Variants in STK26 observed in about 807,000 individuals in gnomAD.
STK26 encodes serine/threonine-protein kinase 26.
In STK26, 14 loss-of-function variants were observed where a neutral mutation model predicts 34.7. That is an observed-to-expected ratio of 0.40 (90% confidence interval 0.27 to 0.63). STK26 has a LOEUF of 0.63. STK26 is among the 30% of genes least tolerant of loss of function. The pLI is 0.38. For synonymous variants in STK26, 100 were observed against 109.8 expected (o/e 0.91, Z 0.56); for missense variants, 226 against 309.1 (o/e 0.73, Z 2.02).
At chrX:132,054,967 T>C in intron 3 of STK26, 106 bp downstream of exon 3, 1 of 704,843 alleles carries the variant, frequency 1.4e-6, no homozygotes, top group Non-Finnish European at 2.1e-6. Context: ...TGGCAGTCTA[T>C]GGCTTCCAGG....
chrX:132,058,756 A>G (rs1279763712), intron 3 of STK26, among the ~76,000 whole-genome samples: 1 of 111,648 alleles, frequency 9.0e-6, no homozygotes, highest in Non-Finnish European at 1.9e-5. Context: ...ATTAAATCAA[A>G]TTATTTTTAT....
chrX:132,071,187 A>T lies in STK26; in HGVS notation c.902A>T (p.Asp301Val), dbSNP rs988810135. The change falls in exon 8 of 12, where the codon GAT (aspartate) becomes GTT (valine). Residue 301 changes from aspartate to valine, a missense_variant. Asp to Val is a radical substitution (Grantham distance 152). Coordinates refer to ENST00000394334, the MANE Select transcript of STK26 (RefSeq NM_016542.4). ...FKRWKAEGHS[D>V]DESDSEGSDS... ...AGATGGAAGGCAGAAGGACACAGTG[A>T]TGATGAATCTGATTCCGAGGGCTCT... The T allele has an allele frequency of 1.7e-6, 2 of 1,209,208 alleles. No individual in the cohort carries two copies. The highest frequency in any genetic ancestry group is 2.2e-6 in the Non-Finnish European group (2 of 894,623).
At chrX:132,027,256 C>T (rs929951114) in intron 2 of STK26, among the ~76,000 whole-genome samples, 5 of 111,701 alleles carry the variant, frequency 4.5e-5, no homozygotes, top group African/African-American at 1.3e-4. Context: ...ACTCACACAA[C>T]CATTCTGTTT....
chrX:132,025,435 T>C (rs1935078641), intron 2 of STK26, among the ~76,000 whole-genome samples: 1 of 111,997 alleles, frequency 8.9e-6, no homozygotes, highest in African/African-American at 3.3e-5. Context: ...AACTGCTTGC[T>C]GTTCAGTATT....
At chrX:132,053,663 TTA>T (rs779490674) in intron 2 of STK26, among the ~76,000 whole-genome samples, 38 of 111,985 alleles carry the variant, frequency 3.4e-4, no homozygotes, top group African/African-American at 1.2e-3. Flanking sequence ...TAGAATCCTC[TTA>T]TATTTTGAAG....
At chrX:132,051,492 A>G (rs1397670092) in intron 2 of STK26, among the ~76,000 whole-genome samples, 1 of 111,771 alleles carries the variant, frequency 8.9e-6, no homozygotes, top group Non-Finnish European at 1.9e-5. Context: ...ACACTACAGA[A>G]CATAGAGCTC....
intron 3 of STK26, among the ~76,000 whole-genome samples, chrX:132,061,670 G>A (rs918015093): frequency 1.8e-5 from 2 of 111,420 alleles, no homozygotes; most frequent in African/African-American, 6.5e-5. Flanking sequence ...CTTCATGATC[G>A]CTAACCCTAG....
At chrX:132,051,576 T>G (rs1008877425) in intron 2 of STK26, among the ~76,000 whole-genome samples, 1 of 111,329 alleles carries the variant, frequency 9.0e-6, no homozygotes, top group African/African-American at 3.3e-5. Context: ...GCAGTAGAGG[T>G]AAGGAATATT....
At chrX:132,041,959 G>T (rs1215578602) in intron 2 of STK26, among the ~76,000 whole-genome samples, 1 of 111,864 alleles carries the variant, frequency 8.9e-6, no homozygotes, top group Non-Finnish European at 1.9e-5. Context: ...TGTTTGAAAT[G>T]ATATTTGTTA....
intron 2 of STK26, among the ~76,000 whole-genome samples, chrX:132,038,724 T>G (rs968620415): frequency 2.1e-4 from 23 of 110,036 alleles, no homozygotes; most frequent in African/African-American, 7.7e-4. Flanking sequence ...CTGGACTTAA[T>G]ATCATTGTTA....
chrX:132,045,652 C>T (rs758113521), intron 2 of STK26, among the ~76,000 whole-genome samples: 12 of 111,927 alleles, frequency 1.1e-4, no homozygotes, highest in African/African-American at 3.9e-4. Context: ...GAGGAATTAG[C>T]TAAATGATGC....
rs1927549292 is a variant in STK26 at position 132,074,835 on chromosome X, A to G, written c.*676A>G. On this transcript the variant is annotated 3_prime_UTR_variant, in exon 12 of 12. Coordinates refer to ENST00000394334, the MANE Select transcript of STK26 (RefSeq NM_016542.4). ...CATTCTCTTTTAGGTAGAAGAGGCA[A>G]TTTTACCCTTATTTCACATGGTTAG... 9.0e-6 allele frequency: 1 copy of G among 111,219 alleles called. No homozygotes were observed. The highest frequency in any genetic ancestry group is 9.6e-5 in the Admixed American group (1 of 10,405). 9.2% of individuals were successfully genotyped at this position (111,219 alleles called of 1,213,427 possible).
chrX:132,034,508 G>A (rs1314896600), intron 2 of STK26, among the ~76,000 whole-genome samples: 2 of 108,672 alleles, frequency 1.8e-5, no homozygotes, highest in Non-Finnish European at 3.8e-5. Context: ...GGGTTTCACT[G>A]TGGTCTCGAT....
chrX:132,061,902 C>T lies in STK26; in HGVS notation c.274-1531C>T, dbSNP rs191218384. Among the ~76,000 whole-genome samples, 5 of 111,802 alleles carry T rather than the reference C, an allele frequency of 4.5e-5. No individual in the cohort carries two copies. The East Asian group carries it at 8.5e-4, about 19-fold the overall frequency. The stretch of plus-strand genomic sequence containing the variant: ...GGCAGTAGCTTGAGAATCTTCACCC[C>T]GCAGCTGGGGTTGTAAAGGTGAGAA... On this transcript the variant is annotated intron_variant, in intron 3 of 11. Coordinates refer to ENST00000394334, the MANE Select transcript of STK26 (RefSeq NM_016542.4).
At chrX:132,056,165 T>C (rs1926848899) in intron 3 of STK26, among the ~76,000 whole-genome samples, 1 of 112,370 alleles carries the variant, frequency 8.9e-6, no homozygotes, top group Non-Finnish European at 1.9e-5. Flanking sequence ...TTATTTGGAG[T>C]CAGCTACTGG....
chrX:132,026,983 C>G (rs186758265), intron 2 of STK26, among the ~76,000 whole-genome samples: 2 of 112,454 alleles, frequency 1.8e-5, no homozygotes, highest in African/African-American at 6.5e-5. Flanking sequence ...GGGAAGCATA[C>G]TGACGTATAT....
chrX:132,065,091 G>T, intron 4 of STK26, among the ~76,000 whole-genome samples: 1 of 111,563 alleles, frequency 9.0e-6, no homozygotes, highest in East Asian at 2.8e-4. Context: ...CTTTCCTTGT[G>T]TCTAATCTAA....
Position 132,058,230 on chromosome X carries a change from A to ATG in STK26, c.273+3380_273+3381dup, listed in dbSNP as rs1286466171. On this transcript the variant is annotated intron_variant, in intron 3 of 11. Coordinates refer to ENST00000394334, the MANE Select transcript of STK26 (RefSeq NM_016542.4). ...TTCCCATACAATTCCTTGGTGGTAC[A>ATG]TGTGTGTGTGTGCGTGTGTGTGTAT... 2.0e-4 allele frequency among the ~76,000 whole-genome samples: 21 copies of ATG among 106,436 alleles called. 1 individual carries two copies. The highest frequency in any genetic ancestry group is 4.0e-4 in the Non-Finnish European group (21 of 52,107). 92.4% of individuals were successfully genotyped at this position (106,436 alleles called of 115,157 possible). A position where few individuals can be genotyped will look rare whatever the true frequency, so the allele number is the denominator to read the frequency against.
rs1372351473 is a variant in STK26, at chrX:132,023,505, C to T, written c.-110-3C>T. On this transcript the variant is annotated splice_region_variant and splice_polypyrimidine_tract_variant and intron_variant, in intron 1 of 11. Transcript: ENST00000394334. ...GTAACCCCACTTTTGTGTGTCCTCCCAGGCCCCGATCGAAAAGCCTGGGAG... is the reference window on the plus strand; with the variant it reads ...GTAACCCCACTTTTGTGTGTCCTCCTAGGCCCCGATCGAAAAGCCTGGGAG... The T allele has an allele frequency of 6.2e-6, 6 of 969,891 alleles. No individual in the cohort carries two copies. In the African/African-American group the frequency reaches 1.1e-4, roughly 18 times the overall value. The allele number at this position is 969,891 out of a possible 1,213,427, so 79.9% of individuals were successfully genotyped here.
Sources: gnomAD v4.1 joint callset for allele counts (sites outside exome capture counted in the v4.1 genomes callset) on GRCh38, gnomAD v4.1.1 for gene constraint, MANE v1.5 for transcripts, NCBI Gene and HGNC (gene_info 2026-07-23, HGNC 2026-07-21) for gene names.